Variants in TSNAX observed in about 807,000 individuals in gnomAD.
TSNAX encodes translin-associated protein X.
In TSNAX, 12 loss-of-function variants were observed where a neutral mutation model predicts 33.0. The ratio of observed to expected loss-of-function variants is 0.36; its 90% confidence interval spans 0.23 to 0.59. TSNAX has a LOEUF of 0.59. TSNAX is among the 20% of genes least tolerant of loss of function. The pLI, the probability that TSNAX is intolerant of heterozygous loss-of-function variation, is 0.74. For missense variants in TSNAX, 267 were observed against 341.3 expected, an observed-to-expected ratio of 0.78 and a Z score of 1.72; for synonymous variants, 110 against 117.2, an observed-to-expected ratio of 0.94 and a Z score of 0.40.
chr1:231,564,531 T>C lies in TSNAX; in HGVS notation c.499T>C (p.Ser167Pro). Residue 167 changes from serine (S) to proline (P), a missense_variant, in exon 6 of 6, where the codon TCC becomes CCC. Transcript: ENST00000366639. ...TTTTGTTTTGTTTTTTTACCAGCCC[T>C]CCTCTGATGCACAGGATAAGCAGTT... ...EDNGKENKTP[S>P]SDAQDKQFGT... 6.2e-7 allele frequency: 1 copy of C among 1,608,948 alleles called. No homozygotes were observed. Among genetic ancestry groups the C allele is most frequent in the Non-Finnish European group, 8.5e-7 (1 of 1,175,974 alleles).
At position 231,556,732 on chromosome 1, in the gene TSNAX, A is replaced by G. The variant is rs1288408656; in HGVS notation, c.368-4396A>G. On this transcript the variant is annotated intron_variant, in intron 4 of 5. Coordinates refer to ENST00000366639, the MANE Select transcript of TSNAX (RefSeq NM_005999.3). ...CCATGTATAAGACAGGCACCTTGCC[A>G]GTTGTGTTTGATTCTGACCATTTAA... Among the ~76,000 whole-genome samples the G allele has an allele frequency of 3.3e-5, 5 of 151,728 alleles. No homozygotes were observed. The East Asian group carries it at 7.7e-4, about 23-fold the overall frequency.
chr1:231,542,505 G>C lies in TSNAX; in HGVS notation c.261G>C (p.Leu87Phe). 3.7e-6 allele frequency: 6 copies of C among 1,613,868 alleles called. No individual in the cohort carries two copies. Among genetic ancestry groups the C allele is most frequent in the Non-Finnish European group, 5.1e-6 (6 of 1,179,928 alleles). ...GTGCTCCTGATATGGAAGATATATT[G>C]ACTGAATCAGAAATTAAATTGGATG... is the stretch of plus-strand genomic sequence containing the variant. Reference protein sequence around the residue: ...ITSAPDMEDILTESEIKLDGV... With the variant: ...ITSAPDMEDIFTESEIKLDGV... The change falls in exon 4 of 6, where the codon TTG (leucine) becomes TTC (phenylalanine). Residue 87 changes from leucine to phenylalanine, a missense_variant. Physicochemically the swap from Leu to Phe is conservative, Grantham distance 22. Around this residue, in one of 2 missense-constraint regions of TSNAX, gnomAD observed 200 missense variants for 214.1 expected, o/e 0.93. Coordinates refer to ENST00000366639, the MANE Select transcript of TSNAX (RefSeq NM_005999.3).
chr1:231,529,505 G>A, intron 2 of TSNAX, 146 bp downstream of exon 2: 2 of 673,946 alleles, frequency 3.0e-6, no homozygotes, highest in South Asian at 2.2e-5. Flanking sequence ...CTAAAAGTCT[G>A]GATTACAAAG....
rs1658432671 is a variant in TSNAX at position 231,528,757 on chromosome 1, C to T, written c.-54C>T. 2.5e-6 allele frequency: 4 copies of T among 1,612,736 alleles called. No homozygotes were observed. In the Admixed American group the frequency reaches 5.0e-5, roughly 20 times the overall value. ...TCCCTCGGCCTGTACCTCGCGCACTCCTCTTGCTCCAGGTCCTTCAGTCTC... is the reference window on the plus strand; with the variant it reads ...TCCCTCGGCCTGTACCTCGCGCACTTCTCTTGCTCCAGGTCCTTCAGTCTC... On this transcript the variant is annotated 5_prime_UTR_variant, in exon 1 of 6. Transcript: ENST00000366639.
At chr1:231,537,396 G>A (rs1252277135) in intron 3 of TSNAX, 69 bp downstream of exon 3, 4 of 1,054,058 alleles carry the variant, frequency 3.8e-6, no homozygotes, top group African/African-American at 3.3e-5. Flanking sequence ...GACTTTGTGA[G>A]GATTAGAAGA....
chr1:231,535,508 G>C (rs1659105913), intron 2 of TSNAX: 1 of 152,142 alleles, frequency 6.6e-6, no homozygotes, highest in South Asian at 2.1e-4. Context: ...CACTGTTTTT[G>C]TTTGGCAGTC....
At chr1:231,532,169 CACACACACACACACACAG>C (rs1303125238) in intron 2 of TSNAX, among the ~76,000 whole-genome samples, 64 of 93,494 alleles carry the variant, frequency 6.8e-4, no homozygotes, top group African/African-American at 2.3e-3. Context: ...CACACACACA[CACACACACACACACACAG>C]TTTTGGTTTT....
intron 1 of TSNAX, among the ~76,000 whole-genome samples, 181 bp from the exon 2 acceptor site, chr1:231,529,074 G>A (rs1183105378): frequency 1.3e-5 from 2 of 152,214 alleles, no homozygotes; most frequent in African/African-American, 4.8e-5. Context: ...CCAGTTGGTG[G>A]AAACTTGGAT....
intron 4 of TSNAX, among the ~76,000 whole-genome samples, chr1:231,560,763 A>AT (rs1003399746): frequency 1.3e-4 from 19 of 150,682 alleles, no homozygotes; most frequent in African/African-American, 3.2e-4. Flanking sequence ...TCTTAAAAAA[A>AT]TTTTTTTTCT....
rs1471429246 is a variant in TSNAX at position 231,542,346 on chromosome 1, ATAGTTTTGAG to A, written c.237-123_237-114del. ...CATTTTCATGTTCTCCATACTATGAATAGTTTTGAGTAGTTTTGAGTTAGAAGTATATGAA... is the reference window on the plus strand; with the variant it reads ...CATTTTCATGTTCTCCATACTATGAATAGTTTTGAGTTAGAAGTATATGAA... On this transcript the variant is annotated intron_variant, in intron 3 of 5. Transcript: ENST00000366639. 7.5e-6 allele frequency: 6 copies of A among 797,438 alleles called. No homozygotes were observed. In the Admixed American group the frequency reaches 9.6e-5, roughly 13 times the overall value. 49.4% of individuals were successfully genotyped at this position (797,438 alleles called of 1,614,324 possible).
chr1:231,547,342 G>A (rs1158599295), intron 4 of TSNAX, among the ~76,000 whole-genome samples: 3 of 145,660 alleles, frequency 2.1e-5, no homozygotes, highest in Non-Finnish European at 4.5e-5. Flanking sequence ...AGTATCTAGT[G>A]CTTTAAACTG....
At chr1:231,542,101 C>T (rs576223160) in intron 3 of TSNAX, among the ~76,000 whole-genome samples, 1 of 152,192 alleles carries the variant, frequency 6.6e-6, no homozygotes, top group Non-Finnish European at 1.5e-5. Context: ...CCAGGGATCA[C>T]TGCTCCATGC....
At chr1:231,534,823 T>C (rs1659049885) in intron 2 of TSNAX, 1 of 152,216 alleles carries the variant, frequency 6.6e-6, no homozygotes, top group Non-Finnish European at 1.5e-5. Flanking sequence ...CTGCTAGACA[T>C]GGATCTATGC....
At chr1:231,551,924 T>A (rs1660328640) in intron 4 of TSNAX, among the ~76,000 whole-genome samples, 2 of 152,052 alleles carry the variant, frequency 1.3e-5, no homozygotes, top group African/African-American at 4.8e-5. Flanking sequence ...CCAAGGAGTT[T>A]GAGGCTGCAG....
At chr1:231,547,837 C>T (rs1168318218) in intron 4 of TSNAX, among the ~76,000 whole-genome samples, 2 of 124,600 alleles carry the variant, frequency 1.6e-5, no homozygotes, top group African/African-American at 6.6e-5. Context: ...AAAACCATTG[C>T]TTTCTTTTTT....
intron 3 of TSNAX, among the ~76,000 whole-genome samples, chr1:231,539,048 A>G (rs577262058): frequency 6.6e-6 from 1 of 152,118 alleles, no homozygotes; most frequent in African/African-American, 2.4e-5. Context: ...CCATACATAG[A>G]TTTATTGAAA....
chr1:231,561,390 C>CT (rs1165898204), intron 5 of TSNAX, 135 bp downstream of exon 5: 2 of 718,458 alleles, frequency 2.8e-6, no homozygotes, highest in Non-Finnish European at 4.4e-6. Flanking sequence ...AGAGTCTCAA[C>CT]TAGGAAATGG....
intron 4 of TSNAX, among the ~76,000 whole-genome samples, chr1:231,556,269 C>T (rs1660688330): frequency 6.6e-6 from 1 of 152,080 alleles, no homozygotes; most frequent in Non-Finnish European, 1.5e-5. Context: ...AAATGCCAGG[C>T]CTGGGCCTCA....
chr1:231,563,965 T>G (rs1366097560), intron 5 of TSNAX, among the ~76,000 whole-genome samples: 1 of 152,178 alleles, frequency 6.6e-6, no homozygotes, highest in Admixed American at 6.5e-5. Context: ...AAAGGACTAA[T>G]GAGTATATTT....
Sources: allele counts gnomAD v4.1 joint callset (sites outside exome capture counted in the v4.1 genomes callset), GRCh38; gene constraint gnomAD v4.1.1; regional missense constraint gnomAD v4.1.1; transcripts MANE v1.5; gene names NCBI Gene and HGNC (gene_info 2026-07-23, HGNC 2026-07-21).